Variants in KLRG1 observed in about 807,000 individuals in gnomAD.
The protein encoded by KLRG1 is killer cell lectin like receptor G1, also known as killer cell lectin-like receptor subfamily G member 1.
A neutral mutation model predicts 21.8 loss-of-function variants in KLRG1; 16 were observed. That is an observed-to-expected ratio of 0.73 (90% confidence interval 0.50 to 1.11). The LOEUF (loss-of-function observed/expected upper bound fraction) is 1.11, where lower values mean the gene tolerates loss of function less well. Among genes scored for constraint, KLRG1 ranks in the 50% most tolerant of loss-of-function variants. The pLI, the probability that KLRG1 is intolerant of heterozygous loss-of-function variation, is 0.00. For synonymous variants in KLRG1, 69 were observed against 75.9 expected, an observed-to-expected ratio of 0.91 and a Z score of 0.47; for missense variants, 173 against 218.3, an observed-to-expected ratio of 0.79 and a Z score of 1.31.
the KLRG1 span, chr12:9,153,377 G>A: frequency 6.4e-7 from 1 of 1,565,198 alleles, no homozygotes; most frequent in South Asian, 1.1e-5. Context: ...GCCCCAAAGA[G>A]TAAATTTTTG....
chr12:9,073,897 G>C, the KLRG1 span, among the ~76,000 whole-genome samples: 9 of 152,156 alleles, frequency 5.9e-5, no homozygotes, highest in African/African-American at 2.2e-4. Context: ...AGATCAGCCT[G>C]GGCAACATGG....
the KLRG1 span, chr12:9,157,127 G>A: frequency 6.4e-7 from 1 of 1,557,792 alleles, no homozygotes. Flanking sequence ...TCCCCTCCCT[G>A]TGTCTATGTG....
chr12:9,165,294 G>A, the KLRG1 span: 18 of 1,614,068 alleles, frequency 1.1e-5, no homozygotes, highest in East Asian at 3.8e-4. Context: ...TCTTCGGACA[G>A]GCAGAAGGCC....
chr12:9,074,831 T>C, the KLRG1 span: 1 of 1,535,446 alleles, frequency 6.5e-7, no homozygotes, highest in Non-Finnish European at 8.8e-7. Flanking sequence ...TATTTATATT[T>C]AATTCAAGGT....
At chr12:9,106,987 T>C in the KLRG1 span, among the ~76,000 whole-genome samples, 1 of 152,212 alleles carries the variant, frequency 6.6e-6, no homozygotes, top group Non-Finnish European at 1.5e-5. Flanking sequence ...CCAACTCAAG[T>C]ATGTATCATT....
At chr12:9,076,316 C>T in the KLRG1 span, among the ~76,000 whole-genome samples, 1 of 152,186 alleles carries the variant, frequency 6.6e-6, no homozygotes, top group Admixed American at 6.5e-5. Context: ...ATTACAACAG[C>T]TCTGTGAGGT....
intron 1 of KLRG1, among the ~76,000 whole-genome samples, chr12:8,991,040 A>T (rs1168162824): frequency 6.6e-6 from 1 of 152,158 alleles, no homozygotes; most frequent in Non-Finnish European, 1.5e-5. Context: ...CTCCATAGAT[A>T]CACACATATA....
chr12:8,966,553 G>T (rs962641743), intron 1 of KLRG1, among the ~76,000 whole-genome samples: 20 of 152,114 alleles, frequency 1.3e-4, no homozygotes, highest in South Asian at 1.0e-3. Context: ...TCAAAAGAAG[G>T]CATTTATGCA....
At chr12:8,951,328 G>A (rs1304730297) in intron 1 of KLRG1, among the ~76,000 whole-genome samples, 2 of 152,056 alleles carry the variant, frequency 1.3e-5, no homozygotes, top group East Asian at 3.9e-4. Context: ...AATCAGCTGG[G>A]CTTGGTGGTG....
chr12:9,082,980 T>C, the KLRG1 span, among the ~76,000 whole-genome samples: 2 of 152,356 alleles, frequency 1.3e-5, no homozygotes, highest in Admixed American at 6.5e-5. Flanking sequence ...TCTAGATCCC[T>C]GAGGAATCGC....
chr12:9,164,025 T>C, the KLRG1 span: 9 of 1,411,232 alleles, frequency 6.4e-6, no homozygotes, highest in Non-Finnish European at 7.7e-6. Flanking sequence ...AAAACTAACT[T>C]TATAGAATTA....
chr12:9,081,300 C>G, the KLRG1 span, among the ~76,000 whole-genome samples: 1 of 151,250 alleles, frequency 6.6e-6, no homozygotes, highest in East Asian at 1.9e-4. Flanking sequence ...AAATTTTTGG[C>G]AAAAATTAAA....
chr12:9,051,112 C>T, the KLRG1 span, among the ~76,000 whole-genome samples: 18 of 152,330 alleles, frequency 1.2e-4, no homozygotes, highest in African/African-American at 3.1e-4. Context: ...ATGGACCAAT[C>T]GGCACACACT....
chr12:9,002,910 T>TACACACACACACACACAC (rs59706974), intron 3 of KLRG1, among the ~76,000 whole-genome samples: 31 of 144,722 alleles, frequency 2.1e-4, no homozygotes, highest in African/African-American at 3.1e-4. Context: ...CTCTTTCTAA[T>TACACACACACACACACAC]ACACACACAC....
At chr12:9,161,023 G>A in the KLRG1 span, 1 of 1,556,722 alleles carries the variant, frequency 6.4e-7, no homozygotes, top group Non-Finnish European at 8.9e-7. Context: ...CTAAATGGAA[G>A]GTGACTCACC....
At chr12:9,094,507 C>T in the KLRG1 span, among the ~76,000 whole-genome samples, 1 of 151,630 alleles carries the variant, frequency 6.6e-6, no homozygotes, top group Non-Finnish European at 1.5e-5. Context: ...AAATGCTTTC[C>T]TTGATTTTTG....
chr12:9,033,888 T>A, the KLRG1 span, among the ~76,000 whole-genome samples: 1 of 152,116 alleles, frequency 6.6e-6, no homozygotes, highest in South Asian at 2.1e-4. Context: ...CGGTGGGAGA[T>A]CCTACAAGAA....
At chr12:9,187,039 C>G in the KLRG1 span, among the ~76,000 whole-genome samples, 1 of 135,734 alleles carries the variant, frequency 7.4e-6, no homozygotes, top group Non-Finnish European at 1.6e-5. Flanking sequence ...GGTTGCAATA[C>G]TAATTTCAGA....
the KLRG1 span, among the ~76,000 whole-genome samples, chr12:9,109,624 T>C: frequency 3.3e-5 from 5 of 152,230 alleles, no homozygotes; most frequent in African/African-American, 1.2e-4. Context: ...GAAAACTCCA[T>C]TAAAACAAGA....
Sources: gnomAD v4.1 joint callset for allele counts (sites outside exome capture counted in the v4.1 genomes callset) on GRCh38, gnomAD v4.1.1 for gene constraint, MANE v1.5 for transcripts, NCBI Gene and HGNC (gene_info 2026-07-23, HGNC 2026-07-21) for gene names.